Variants in RBFOX1 observed in about 807,000 individuals in gnomAD.
RBFOX1 encodes the protein RNA binding fox-1 homolog 1.
RBFOX1 carries 8 observed loss-of-function variants against 57.7 expected under a neutral mutation model. The observed-to-expected ratio is 0.14, with a 90% confidence interval of 0.08 to 0.25. The LOEUF is 0.25. Among genes scored for constraint, RBFOX1 ranks in the 10% least tolerant of loss-of-function variants. The pLI, the probability that RBFOX1 is intolerant of heterozygous loss-of-function variation, is 1.00. For missense variants in RBFOX1, 611 were observed against 548.5 expected, an observed-to-expected ratio of 1.11 and a Z score of -1.14; for synonymous variants, 326 against 222.4, an observed-to-expected ratio of 1.47 and a Z score of -4.15.
At chr16:7,360,234 C>T (rs1177441733) in intron 4 of RBFOX1, among the ~76,000 whole-genome samples, 1 of 152,088 alleles carries the variant, frequency 6.6e-6, no homozygotes, top group African/African-American at 2.4e-5. Context: ...TTTAATAAAC[C>T]TAGAAATGCC....
intron 2 of RBFOX1, among the ~76,000 whole-genome samples, chr16:6,497,207 C>G (rs963209031): frequency 6.6e-6 from 1 of 152,164 alleles, no homozygotes; most frequent in Non-Finnish European, 1.5e-5. Context: ...GCTTGCTTAA[C>G]CACTGTGTTT....
intron 3 of RBFOX1, among the ~76,000 whole-genome samples, chr16:7,038,814 G>A (rs1231685335): frequency 9.2e-5 from 14 of 152,156 alleles, no homozygotes; most frequent in Non-Finnish European, 1.0e-4. Context: ...TGATAATGGG[G>A]TCTTTACCAA....
intron 10 of RBFOX1, among the ~76,000 whole-genome samples, chr16:7,621,577 T>G (rs1356802727): frequency 6.6e-6 from 1 of 152,172 alleles, no homozygotes; most frequent in African/African-American, 2.4e-5. Flanking sequence ...TTTTATTGTT[T>G]TGAAAAACAA....
chr16:5,628,436 A>T (rs2048407526), intron 3 of RBFOX1, among the ~76,000 whole-genome samples: 1 of 152,318 alleles, frequency 6.6e-6, no homozygotes, highest in African/African-American at 2.4e-5. Context: ...GATAACTGAT[A>T]TAACCATAGT....
intron 9 of RBFOX1, among the ~76,000 whole-genome samples, chr16:7,598,243 C>T (rs1346625248): frequency 6.6e-6 from 1 of 151,970 alleles, no homozygotes; most frequent in Non-Finnish European, 1.5e-5. Context: ...ATATTATACC[C>T]ATTAAAATGA....
intron 3 of RBFOX1, among the ~76,000 whole-genome samples, chr16:5,676,983 C>A (rs575664301): frequency 6.6e-6 from 1 of 152,332 alleles, no homozygotes; most frequent in South Asian, 2.1e-4. Flanking sequence ...GACTCTCTGT[C>A]CACAAACAGG....
chr16:5,559,067 T>G (rs2045788470), intron 2 of RBFOX1, among the ~76,000 whole-genome samples: 1 of 150,894 alleles, frequency 6.6e-6, no homozygotes, highest in Non-Finnish European at 1.5e-5. Context: ...TGGGGGGGTT[T>G]GCCTGAGGAA....
intron 3 of RBFOX1, among the ~76,000 whole-genome samples, chr16:6,782,646 C>CA (rs1390162340): frequency 2.0e-5 from 3 of 152,160 alleles, no homozygotes; most frequent in Non-Finnish European, 4.4e-5. Flanking sequence ...TTCGGCCTAA[C>CA]ATATGGTCTA....
chr16:7,294,230 A>G (rs1385931599), intron 4 of RBFOX1, among the ~76,000 whole-genome samples: 1 of 151,896 alleles, frequency 6.6e-6, no homozygotes, highest in East Asian at 1.9e-4. Context: ...TCTGCCGCCT[A>G]CCCTTCCTTG....
chr16:6,744,124 A>G (rs1027621628), intron 3 of RBFOX1, among the ~76,000 whole-genome samples: 28 of 152,162 alleles, frequency 1.8e-4, no homozygotes, highest in African/African-American at 6.0e-4. Context: ...CTAGAGAAAA[A>G]TACATCAGGG....
chr16:6,444,632 C>T (rs745586709), intron 2 of RBFOX1, among the ~76,000 whole-genome samples: 16 of 152,052 alleles, frequency 1.1e-4, no homozygotes, highest in Non-Finnish European at 1.8e-4. Flanking sequence ...GTCCATTAAA[C>T]CTTTTTTTTT....
chr16:7,384,341 A>T (rs2097842355), intron 4 of RBFOX1, among the ~76,000 whole-genome samples: 1 of 152,150 alleles, frequency 6.6e-6, no homozygotes, highest in Non-Finnish European at 1.5e-5. Context: ...TTTCAATATG[A>T]AAAACGAGGA....
At position 7,518,249 on chromosome 16, in the gene RBFOX1, C is replaced by T. The variant is rs201490398; in HGVS notation, c.130C>T (p.Pro44Ser). ...QNGIPAEYTA[P>S]HPHPAPEYTG... ...CGGTATCCCCGCGGAATACACGGCC[C>T]CTCATCCCCACCCCGCGCCAGAGTA... is the stretch of plus-strand genomic sequence containing the variant. Residue 44 changes from proline to serine, a missense_variant, in exon 5 of 16, where the codon CCT (proline) becomes TCT (serine). Physicochemically the swap from Pro to Ser is moderately conservative, Grantham distance 74. This residue lies in a region of RBFOX1 where 245 missense variants were observed against 159.1 expected (regional missense o/e 1.54). Transcript: ENST00000550418. 24 of 1,614,148 alleles carry T rather than the reference C, an allele frequency of 1.5e-5. No individual in the cohort carries two copies. The highest frequency in any genetic ancestry group is 1.0e-4 in the Admixed American group (6 of 60,022).
chr16:6,864,995 C>CTTT (rs34341448), intron 3 of RBFOX1, among the ~76,000 whole-genome samples: 2,136 of 82,284 alleles, frequency 0.026, 177 homozygotes, highest in African/African-American at 0.1. Flanking sequence ...TTTTCTTTTT[C>CTTT]TTTTTTTTTT....
chr16:6,541,788 G>T (rs1406272711), intron 2 of RBFOX1, among the ~76,000 whole-genome samples: 3 of 152,118 alleles, frequency 2.0e-5, no homozygotes, highest in Admixed American at 6.6e-5. Flanking sequence ...ATGAGGACTA[G>T]ACCCTAGACT....
At chr16:5,787,199 C>G (rs1012918700) in intron 3 of RBFOX1, among the ~76,000 whole-genome samples, 6 of 152,256 alleles carry the variant, frequency 3.9e-5, no homozygotes, top group African/African-American at 1.4e-4. Flanking sequence ...TTTGTAATGA[C>G]TCCACAGGGC....
intron 1 of RBFOX1, among the ~76,000 whole-genome samples, chr16:5,396,448 C>G (rs2066558551): frequency 6.6e-6 from 1 of 152,016 alleles, no homozygotes; most frequent in Admixed American, 6.6e-5. Context: ...TGAGACCTGT[C>G]TGAGCAACAT....
intron 2 of RBFOX1, among the ~76,000 whole-genome samples, chr16:5,503,767 C>G (rs535123360): frequency 6.6e-6 from 1 of 152,240 alleles, no homozygotes; most frequent in East Asian, 1.9e-4. Flanking sequence ...TAAGTATATT[C>G]AAAGTTGTGC....
intron 3 of RBFOX1, among the ~76,000 whole-genome samples, chr16:7,030,638 A>T (rs2042552643): frequency 6.6e-6 from 1 of 152,072 alleles, no homozygotes; most frequent in Non-Finnish European, 1.5e-5. Flanking sequence ...GACCTACTCT[A>T]ATCTACTATG....
Sources: allele counts gnomAD v4.1 joint callset (sites outside exome capture counted in the v4.1 genomes callset), GRCh38; gene constraint gnomAD v4.1.1; regional missense constraint gnomAD v4.1.1; transcripts MANE v1.5; gene names NCBI Gene and HGNC (gene_info 2026-07-23, HGNC 2026-07-21).